The following LSAMP variants were observed in gnomAD, a reference collection of about 807,000 sequenced individuals.
The protein encoded by LSAMP is limbic system-associated membrane protein.
A neutral mutation model predicts 38.6 loss-of-function variants in LSAMP; 7 were observed. That is an observed-to-expected ratio of 0.18 (90% CI 0.10 to 0.34). The LOEUF (loss-of-function observed/expected upper bound fraction) is 0.34. Among genes scored for constraint, LSAMP ranks in the 10% least tolerant of loss-of-function variants. The pLI is 1.00. For synonymous variants in LSAMP, 154 were observed against 166.8 expected (o/e 0.92, Z 0.59); for missense variants, 313 against 420.0 (o/e 0.75, Z 2.23).
chr3:115,976,417 A>G (rs1210216067), intron 3 of LSAMP, among the ~76,000 whole-genome samples: 1 of 152,226 alleles, frequency 6.6e-6, no homozygotes, highest in Non-Finnish European at 1.5e-5. Flanking sequence ...ATACATGACA[A>G]TAAACTCAAT....
chr3:116,298,237 T>C (rs2047361915), intron 1 of LSAMP, among the ~76,000 whole-genome samples: 1 of 152,224 alleles, frequency 6.6e-6, no homozygotes, highest in African/African-American at 2.4e-5. Flanking sequence ...TCTTCTCTTC[T>C]GGTTCCAACA....
intron 3 of LSAMP, among the ~76,000 whole-genome samples, chr3:115,937,553 A>T (rs2107551553): frequency 6.6e-6 from 1 of 151,828 alleles, no homozygotes; most frequent in South Asian, 2.1e-4. Context: ...AGGTGGGAGG[A>T]TTGCTTGAGC....
At chr3:115,893,020 T>G (rs1033030958) in intron 3 of LSAMP, among the ~76,000 whole-genome samples, 14 of 151,574 alleles carry the variant, frequency 9.2e-5, no homozygotes, top group African/African-American at 2.9e-4. Context: ...ATACAAAACA[T>G]AAAAATCTCA....
At chr3:116,307,083 C>T (rs1017253451) in intron 1 of LSAMP, among the ~76,000 whole-genome samples, 3 of 151,964 alleles carry the variant, frequency 2.0e-5, no homozygotes, top group African/African-American at 7.2e-5. Flanking sequence ...GATATATAAT[C>T]GGTATGGGTG....
At chr3:116,060,227 A>G in intron 2 of LSAMP, among the ~76,000 whole-genome samples, 1 of 145,426 alleles carries the variant, frequency 6.9e-6, no homozygotes, top group Non-Finnish European at 1.5e-5. Context: ...GCAGCATTGT[A>G]AAGGTAGCCA....
chr3:115,821,262 C>A (rs926058044), intron 6 of LSAMP, among the ~76,000 whole-genome samples: 7 of 152,260 alleles, frequency 4.6e-5, no homozygotes, highest in African/African-American at 1.7e-4. Flanking sequence ...ATCTTCATAT[C>A]TTTATGTGTG....
chr3:116,009,848 A>G (rs1254662125), intron 3 of LSAMP, among the ~76,000 whole-genome samples: 1 of 151,748 alleles, frequency 6.6e-6, no homozygotes, highest in Non-Finnish European at 1.5e-5. Flanking sequence ...CCTTGTCACC[A>G]CATACATAAA....
chr3:116,047,239 A>T (rs1941307997), intron 2 of LSAMP, among the ~76,000 whole-genome samples: 1 of 152,170 alleles, frequency 6.6e-6, no homozygotes, highest in African/African-American at 2.4e-5. Flanking sequence ...ATCACAAATA[A>T]GCTGAAGAAA....
At chr3:116,061,405 C>CG (rs146997492) in intron 2 of LSAMP, among the ~76,000 whole-genome samples, 1,868 of 151,224 alleles carry the variant, frequency 0.012, 43 homozygotes, top group African/African-American at 0.043. Flanking sequence ...CTGTCATGGC[C>CG]GGGCCTTAAT....
At chr3:116,387,561 G>A (rs994335177) in intron 1 of LSAMP, among the ~76,000 whole-genome samples, 1 of 152,078 alleles carries the variant, frequency 6.6e-6, no homozygotes, top group Non-Finnish European at 1.5e-5. Context: ...TAGTCCAAAG[G>A]TTCCGTACAC....
intron 1 of LSAMP, among the ~76,000 whole-genome samples, chr3:116,393,071 GC>G (rs968516884): frequency 3.3e-5 from 5 of 152,130 alleles, no homozygotes; most frequent in Non-Finnish European, 7.3e-5. Flanking sequence ...CCACTTGTCT[GC>G]ATATATCATG....
intron 1 of LSAMP, among the ~76,000 whole-genome samples, chr3:116,213,782 T>G (rs2046189347): frequency 6.6e-6 from 1 of 152,220 alleles, no homozygotes; most frequent in Non-Finnish European, 1.5e-5. Flanking sequence ...GAGGACACTA[T>G]GCTAAGTGAA....
At chr3:116,110,094 A>G (rs2107468704) in intron 1 of LSAMP, among the ~76,000 whole-genome samples, 1 of 152,086 alleles carries the variant, frequency 6.6e-6, no homozygotes, top group South Asian at 2.1e-4. Context: ...GAAAAGTGGG[A>G]CTTGCTGCTA....
intron 2 of LSAMP, among the ~76,000 whole-genome samples, chr3:116,024,129 T>C (rs1940717151): frequency 6.6e-6 from 1 of 152,146 alleles, no homozygotes; most frequent in African/African-American, 2.4e-5. Flanking sequence ...GAGGCCATAT[T>C]GGGTGAAATG....
chr3:115,831,916 T>C (rs188945298), intron 6 of LSAMP, among the ~76,000 whole-genome samples: 45 of 152,296 alleles, frequency 3.0e-4, no homozygotes, highest in Admixed American at 2.2e-3. Context: ...AAATTTCTGA[T>C]TGGACACAGC....
At chr3:115,816,218 T>C (rs1340662740) in intron 6 of LSAMP, among the ~76,000 whole-genome samples, 2 of 152,158 alleles carry the variant, frequency 1.3e-5, no homozygotes, top group Non-Finnish European at 2.9e-5. Context: ...GGGTCTGTTT[T>C]ATGAAGCCAA....
intron 6 of LSAMP, among the ~76,000 whole-genome samples, chr3:115,815,430 G>T (rs2107455358): frequency 6.6e-6 from 1 of 152,208 alleles, no homozygotes; most frequent in East Asian, 1.9e-4. Context: ...TTGAATGTGA[G>T]CTCTTCCTAC....
At chr3:116,318,674 A>T (rs9845707) in intron 1 of LSAMP, among the ~76,000 whole-genome samples, 1 of 152,048 alleles carries the variant, frequency 6.6e-6, no homozygotes, top group East Asian at 1.9e-4. Context: ...AATTAACACC[A>T]ATACCCACAT....
chr3:116,044,179 C>T (rs6803831), intron 2 of LSAMP, among the ~76,000 whole-genome samples: 1 of 151,980 alleles, frequency 6.6e-6, no homozygotes, highest in African/African-American at 2.4e-5. Flanking sequence ...GTTGAGTACA[C>T]AGAGAAAGGC....
Sources: allele counts gnomAD v4.1 joint callset (sites outside exome capture counted in the v4.1 genomes callset), GRCh38; gene constraint gnomAD v4.1.1; transcripts MANE v1.5; gene names NCBI Gene and HGNC (gene_info 2026-07-23, HGNC 2026-07-21).